Variants in TTC28 observed in about 807,000 individuals in gnomAD.
TTC28 encodes tetratricopeptide repeat domain 28.
In TTC28, 61 loss-of-function variants were observed where a neutral mutation model predicts 198.0. That is an observed-to-expected ratio of 0.31 (90% CI 0.25 to 0.38). The LOEUF (loss-of-function observed/expected upper bound fraction) is 0.38, where lower values mean the gene tolerates loss of function less well. Ranked by LOEUF, TTC28 falls within the 10% of genes least tolerant of loss-of-function variation. TTC28 has a pLI of 1.00. For synonymous variants in TTC28, 1,171 were observed against 1,297.8 expected (o/e 0.90, Z 2.10); for missense variants, 2,678 against 3,164.0 (o/e 0.85, Z 3.69).
chr22:28,534,106 C>T (rs1487182127), intron 2 of TTC28, among the ~76,000 whole-genome samples: 2 of 152,080 alleles, frequency 1.3e-5, no homozygotes, highest in Admixed American at 1.3e-4. Flanking sequence ...AAGAAAGTAC[C>T]ATCAGAGTAA....
chr22:28,464,361 G>A (rs2047990491), intron 2 of TTC28, among the ~76,000 whole-genome samples: 1 of 152,142 alleles, frequency 6.6e-6, no homozygotes, highest in African/African-American at 2.4e-5. Flanking sequence ...CCAGAAACAG[G>A]GACTTGGCAA....
intron 2 of TTC28, among the ~76,000 whole-genome samples, chr22:28,308,180 A>C (rs901826655): frequency 2.6e-5 from 4 of 152,176 alleles, no homozygotes; most frequent in Non-Finnish European, 5.9e-5. Context: ...AATTCATAGG[A>C]TCACTTCCCT....
intron 2 of TTC28, among the ~76,000 whole-genome samples, chr22:28,350,566 T>C (rs1227618792): frequency 3.9e-5 from 6 of 152,158 alleles, no homozygotes; most frequent in Non-Finnish European, 7.4e-5. Flanking sequence ...GGAACTCCCA[T>C]GGATGGAACC....
At chr22:28,084,086 C>G (rs1381405793) in intron 12 of TTC28, among the ~76,000 whole-genome samples, 2 of 152,256 alleles carry the variant, frequency 1.3e-5, no homozygotes, top group East Asian at 3.9e-4. Flanking sequence ...CCTCTGGGGG[C>G]AGGGCACAGA....
At chr22:28,272,428 C>T (rs1008837247) in intron 5 of TTC28, among the ~76,000 whole-genome samples, 1 of 152,192 alleles carries the variant, frequency 6.6e-6, no homozygotes, top group Admixed American at 6.5e-5. Flanking sequence ...CATTAATTAG[C>T]TGTATGTCCT....
At chr22:28,198,113 T>C (rs1320947318) in intron 5 of TTC28, among the ~76,000 whole-genome samples, 1 of 152,154 alleles carries the variant, frequency 6.6e-6, no homozygotes, top group East Asian at 1.9e-4. Flanking sequence ...TGAAAATGTC[T>C]TTTGATGAAG....
intron 13 of TTC28, 27 bp from the exon 14 acceptor site, chr22:28,014,419 A>T: frequency 6.5e-7 from 1 of 1,536,490 alleles, no homozygotes. Flanking sequence ...CGAGGGATCA[A>T]TCAGGGCCAC....
chr22:28,324,305 G>T (rs1601629474), intron 2 of TTC28, among the ~76,000 whole-genome samples: 1 of 151,948 alleles, frequency 6.6e-6, no homozygotes. Flanking sequence ...TTCTACCAAA[G>T]GTACATAGAG....
In TTC28 at chr22:28,081,118, T is replaced by C. The variant is rs564565042; in HGVS notation, c.3932+12962A>G. 3.3e-4 allele frequency among the ~76,000 whole-genome samples: 49 copies of C among 150,258 alleles called. 1 individual carries two copies. In the South Asian group the frequency reaches 0.01, roughly 31 times the overall value. ...ATACACATATGTACATATATATTTATATATTATAATTATATACATAATATG... is the reference window on the plus strand; with the variant it reads ...ATACACATATGTACATATATATTTACATATTATAATTATATACATAATATG... On this transcript the variant is annotated intron_variant, in intron 12 of 22. Coordinates refer to ENST00000397906, the MANE Select transcript of TTC28 (RefSeq NM_001145418.2).
chr22:28,401,232 TGACGAC>T (rs879357486), intron 2 of TTC28, among the ~76,000 whole-genome samples: 9 of 151,388 alleles, frequency 5.9e-5, no homozygotes, highest in South Asian at 2.1e-4. Flanking sequence ...ACGACGACGA[TGACGAC>T]GACGACGACG....
chr22:28,551,875 G>C (rs774484029), intron 2 of TTC28, among the ~76,000 whole-genome samples: 1 of 152,042 alleles, frequency 6.6e-6, no homozygotes, highest in Non-Finnish European at 1.5e-5. Context: ...AAGTCCTAGC[G>C]AGAGCAATCA....
Position 28,107,222 on chromosome 22 carries a change from C to G in TTC28, c.2623G>C (p.Asp875His), listed in dbSNP as rs529615602. 2 of 1,551,708 alleles carry G rather than the reference C, an allele frequency of 1.3e-6. No homozygotes were observed. Among genetic ancestry groups the G allele is most frequent in the South Asian group, 2.4e-5 (2 of 84,056 alleles). Residue 875 changes from aspartate (D) to histidine (H), a missense_variant, in exon 7 of 23, where the codon GAC becomes CAC. Asp to His is a moderately conservative substitution (Grantham distance 81). Transcript: ENST00000397906. Reference sequence around the variant, plus strand: ...AGGTTGCCATAGGCCCGGCCCCTGTCGAGCACAGACTCATTTCCACTTAGC... The same window carrying G: ...AGGTTGCCATAGGCCCGGCCCCTGTGGAGCACAGACTCATTTCCACTTAGC... ...QQLSGNESVLDRGRAYGNLGD... is the reference protein window; with the variant it reads ...QQLSGNESVLHRGRAYGNLGD...
At chr22:28,428,797 C>A (rs2047391149) in intron 2 of TTC28, among the ~76,000 whole-genome samples, 1 of 151,880 alleles carries the variant, frequency 6.6e-6, no homozygotes. Flanking sequence ...CGCCACCACG[C>A]CCGGCTAATT....
chr22:27,979,076 C>T lies in TTC28; in HGVS notation c.*3145G>A, dbSNP rs537137324. On this transcript the variant is annotated 3_prime_UTR_variant, in exon 23 of 23. Transcript: ENST00000397906. ...ACGTGGCCCTCACATACCCTGGGCT[C>T]CCCGGACGCCAGTCAGTCTATCCAC... 2 of 152,378 alleles carry T rather than the reference C, an allele frequency of 1.3e-5. No homozygotes were observed. The highest frequency in any genetic ancestry group is 3.9e-4 in the East Asian group (2 of 5,186). The allele number at this position is 152,378 out of a possible 1,614,324, so 9.4% of individuals were successfully genotyped here.
intron 2 of TTC28, among the ~76,000 whole-genome samples, chr22:28,591,034 CACACACATATATATATAT>C (rs57955016): frequency 0.086 from 4,071 of 47,460 alleles, 72 homozygotes; most frequent in Middle Eastern, 0.15. Context: ...CACACACACA[CACACACATATATATATAT>C]ATATATATAT....
intron 2 of TTC28, among the ~76,000 whole-genome samples, chr22:28,433,829 T>C (rs1360274110): frequency 6.6e-6 from 1 of 152,210 alleles, no homozygotes; most frequent in African/African-American, 2.4e-5. Context: ...GCAAGTCAGA[T>C]ACACCAAAGC....
At chr22:27,998,277 G>A in intron 16 of TTC28, 1 of 586,996 alleles carries the variant, frequency 1.7e-6, no homozygotes. Context: ...GTCATCCAGT[G>A]TACACTGACA....
At chr22:28,210,026 G>A (rs898829183) in intron 5 of TTC28, among the ~76,000 whole-genome samples, 1 of 152,132 alleles carries the variant, frequency 6.6e-6, no homozygotes, top group African/African-American at 2.4e-5. Flanking sequence ...TGGCAAACAG[G>A]GTCTGCAGTG....
chr22:28,469,253 C>G (rs1377911680), intron 2 of TTC28, among the ~76,000 whole-genome samples: 3 of 152,138 alleles, frequency 2.0e-5, no homozygotes, highest in Non-Finnish European at 4.4e-5. Flanking sequence ...CCAAGGCCAT[C>G]ATTGTTGGTA....
Sources: allele counts gnomAD v4.1 joint callset (sites outside exome capture counted in the v4.1 genomes callset), GRCh38; gene constraint gnomAD v4.1.1; transcripts MANE v1.5; gene names NCBI Gene and HGNC (gene_info 2026-07-23, HGNC 2026-07-21).